Variants in ANK1 observed in about 807,000 individuals in gnomAD.
The protein encoded by ANK1 is ankyrin 1, also known as ankyrin-1.
Under a neutral mutation model 210.4 loss-of-function variants are expected in ANK1, and 51 were observed. The ratio of observed to expected loss-of-function variants is 0.24; its 90% CI spans 0.19 to 0.31. The LOEUF is 0.31. Among genes scored for constraint, ANK1 ranks in the 10% least tolerant of loss-of-function variants. ANK1 has a pLI of 1.00. For missense variants in ANK1, 2,051 were observed against 2,504.4 expected, an observed-to-expected ratio of 0.82 and a Z score of 3.86; for synonymous variants, 967 against 1,025.9, an observed-to-expected ratio of 0.94 and a Z score of 1.10.
Position 41,653,867 on chromosome 8 carries a change from C to G in ANK1, c.*1923G>C, listed in dbSNP as rs1229918558. ...GCTAGAGCTTCCTCTCCCTGCCCGC[C>G]CCTCTAAAGGAAGCAAAAGCAGCCC... is the stretch of plus-strand genomic sequence containing the variant. On this transcript the variant is annotated 3_prime_UTR_variant, in exon 43 of 43. Coordinates refer to ENST00000289734, the MANE Select transcript of ANK1 (RefSeq NM_000037.4). The G allele has an allele frequency of 6.6e-6, 1 of 152,210 alleles. No homozygotes were observed. Among genetic ancestry groups the G allele is most frequent in the African/African-American group, 2.4e-5 (1 of 41,464 alleles). The allele number at this position is 152,210 out of a possible 1,614,324, so 9.4% of individuals were successfully genotyped here. A position where few individuals can be genotyped will look rare whatever the true frequency, so the allele number is the denominator to read the frequency against.
At chr8:41,661,162 C>G (rs1807983947) in intron 42 of ANK1, 1 of 478,796 alleles carries the variant, frequency 2.1e-6, no homozygotes, top group South Asian at 2.0e-5. Context: ...AGACATGAGC[C>G]ACTGTGCCCG....
chr8:41,817,270 A>C (rs1228750539), intron 1 of ANK1, among the ~76,000 whole-genome samples: 1 of 152,246 alleles, frequency 6.6e-6, no homozygotes, highest in Non-Finnish European at 1.5e-5. Flanking sequence ...TATTATCAGA[A>C]GTCTAGGATA....
chr8:41,796,376 C>T (rs1848730721), intron 1 of ANK1, among the ~76,000 whole-genome samples: 1 of 151,992 alleles, frequency 6.6e-6, no homozygotes, highest in Admixed American at 6.6e-5. Flanking sequence ...CTGCAGTCAC[C>T]TGCCTCCTTC....
chr8:41,727,158 C>T, intron 5 of ANK1, 92 bp downstream of exon 5: 1 of 976,528 alleles, frequency 1.0e-6, no homozygotes, highest in South Asian at 1.3e-5. Flanking sequence ...CATGGATGCA[C>T]CCCAAGCCAC....
intron 26 of ANK1, among the ~76,000 whole-genome samples, chr8:41,696,075 C>T (rs950842630): frequency 2.6e-5 from 4 of 152,168 alleles, no homozygotes; most frequent in African/African-American, 7.2e-5. Flanking sequence ...TTTTTTACAA[C>T]GACGGGGTCT....
At chr8:41,868,984 A>G (rs992608084) in intron 1 of ANK1, among the ~76,000 whole-genome samples, 21 of 152,292 alleles carry the variant, frequency 1.4e-4, no homozygotes, top group African/African-American at 4.1e-4. Flanking sequence ...AAAGGGGAAT[A>G]TTTACGTAAA....
intron 1 of ANK1, among the ~76,000 whole-genome samples, chr8:41,891,079 A>G (rs920260038): frequency 9.2e-5 from 14 of 152,180 alleles, no homozygotes; most frequent in Admixed American, 8.5e-4. Flanking sequence ...GGGGACAGAT[A>G]TGAAAGGTTT....
chr8:41,813,475 T>C (rs1205790387), intron 1 of ANK1, among the ~76,000 whole-genome samples: 1 of 152,184 alleles, frequency 6.6e-6, no homozygotes, highest in East Asian at 1.9e-4. Context: ...CCCTATAGTT[T>C]CTACTGAAAC....
At chr8:41,822,214 A>G (rs1804590219) in intron 1 of ANK1, among the ~76,000 whole-genome samples, 1 of 152,154 alleles carries the variant, frequency 6.6e-6, no homozygotes, top group Non-Finnish European at 1.5e-5. Context: ...AAAGAAAGAG[A>G]CAGACATCTA....
At chr8:41,896,655 G>T (rs1398343667) in exon 1 of ANK1, 3 of 845,286 alleles carry the variant, frequency 3.5e-6, no homozygotes, top group Non-Finnish European at 4.6e-6. Context: ...AGTTCCGGAC[G>T]CGGAGGGCGA....
At chr8:41,673,382 A>G (rs1813119342) in intron 37 of ANK1, among the ~76,000 whole-genome samples, 1 of 152,176 alleles carries the variant, frequency 6.6e-6, no homozygotes, top group African/African-American at 2.4e-5. Context: ...TGTACCTTAA[A>G]GGGAAGGAAA....
intron 8 of ANK1, 51 bp from the exon 9 acceptor site, chr8:41,723,274 G>C: frequency 6.3e-7 from 1 of 1,583,686 alleles, no homozygotes; most frequent in Non-Finnish European, 8.7e-7. Flanking sequence ...GCTATCAGAG[G>C]CCATTTGGAG....
At chr8:41,739,727 G>T (rs1834283684) in intron 2 of ANK1, among the ~76,000 whole-genome samples, 1 of 151,990 alleles carries the variant, frequency 6.6e-6, no homozygotes, top group Non-Finnish European at 1.5e-5. Flanking sequence ...TACTTTCAGT[G>T]CACCACAGCC....
Position 41,890,720 on chromosome 8 carries a change from A to AAG in ANK1, c.126+5634_126+5635insCT, listed in dbSNP as rs1242464082. ...CGAGACTCCGTCTCAAAAAAAAAAA[A>AAG]AAAAAGAAAAAAGAAAAAAAGAAAA... On this transcript the variant is annotated intron_variant, in intron 1 of 42. Coordinates refer to the ANK1 transcript ENST00000265709. Among the ~76,000 whole-genome samples the AAG allele has an allele frequency of 3.3e-5, 5 of 151,582 alleles. No individual in the cohort carries two copies. In the South Asian group the frequency reaches 8.3e-4, roughly 25 times the overall value.
intron 1 of ANK1, among the ~76,000 whole-genome samples, chr8:41,852,108 G>C (rs1210835659): frequency 6.6e-6 from 1 of 152,200 alleles, no homozygotes; most frequent in African/African-American, 2.4e-5. Context: ...CTGAGCCCAG[G>C]ATGCCTACCT....
intron 1 of ANK1, among the ~76,000 whole-genome samples, chr8:41,884,074 A>G (rs6474369): frequency 0.63 from 95,970 of 152,054 alleles, 32,220 homozygotes; most frequent in African/African-American, 0.87. Context: ...ACTACGGCTG[A>G]GCGCAGTGGC....
intron 1 of ANK1, among the ~76,000 whole-genome samples, chr8:41,844,730 A>G (rs1353789280): frequency 6.6e-6 from 1 of 152,254 alleles, no homozygotes; most frequent in Non-Finnish European, 1.5e-5. Context: ...AGAGCTTTGT[A>G]AACTGCAAAT....
intron 1 of ANK1, among the ~76,000 whole-genome samples, chr8:41,861,894 T>C (rs1209280806): frequency 3.9e-5 from 6 of 152,232 alleles, no homozygotes; most frequent in Admixed American, 3.9e-4. Context: ...GCCACTTTCA[T>C]GTACAGCAGT....
chr8:41,804,435 G>A (rs1439584208), intron 1 of ANK1, among the ~76,000 whole-genome samples: 1 of 152,192 alleles, frequency 6.6e-6, no homozygotes, highest in Non-Finnish European at 1.5e-5. Context: ...TCAAAGGGAA[G>A]TATATCGAAG....
Sources: allele counts gnomAD v4.1 joint callset (sites outside exome capture counted in the v4.1 genomes callset), GRCh38; gene constraint gnomAD v4.1.1; transcripts MANE v1.5; gene names NCBI Gene and HGNC (gene_info 2026-07-23, HGNC 2026-07-21).